Variants in NFATC2 observed in about 807,000 individuals in gnomAD.
The protein encoded by NFATC2 is nuclear factor of activated T cells 2, also known as nuclear factor of activated T-cells, cytoplasmic 2.
Under a neutral mutation model 87.3 loss-of-function variants are expected in NFATC2, and 22 were observed. That is an observed-to-expected ratio of 0.25 (90% CI 0.18 to 0.36). NFATC2 has a LOEUF of 0.36. NFATC2 is among the 10% of genes least tolerant of loss of function. The pLI is 1.00. For missense variants in NFATC2, 1,149 were observed against 1,259.1 expected, an observed-to-expected ratio of 0.91 and a Z score of 1.32; for synonymous variants, 565 against 542.2, an observed-to-expected ratio of 1.04 and a Z score of -0.58.
chr20:51,442,713 T>G (rs1429838060), intron 6 of NFATC2, among the ~76,000 whole-genome samples: 5 of 151,688 alleles, frequency 3.3e-5, no homozygotes, highest in East Asian at 1.9e-4. Context: ...GTTTGTTTTT[T>G]TTTTTTTTCT....
chr20:51,521,422 G>T (rs1465628350), intron 2 of NFATC2, among the ~76,000 whole-genome samples: 3 of 152,170 alleles, frequency 2.0e-5, no homozygotes, highest in African/African-American at 7.2e-5. Flanking sequence ...CCAGGTTCAA[G>T]TAATTCTCCT....
chr20:51,466,890 G>A (rs1987738425), intron 5 of NFATC2, among the ~76,000 whole-genome samples: 1 of 152,030 alleles, frequency 6.6e-6, no homozygotes, highest in Admixed American at 6.6e-5. Flanking sequence ...TGGTCAACAT[G>A]GTGAAACCCC....
At chr20:51,505,753 G>A (rs754610345) in intron 3 of NFATC2, among the ~76,000 whole-genome samples, 26 of 152,046 alleles carry the variant, frequency 1.7e-4, no homozygotes, top group Non-Finnish European at 3.4e-4. Flanking sequence ...TGTCGTTGTC[G>A]TGGCATCGTT....
At chr20:51,433,690 G>A (rs960576645) in intron 8 of NFATC2, among the ~76,000 whole-genome samples, 1 of 152,080 alleles carries the variant, frequency 6.6e-6, no homozygotes, top group Non-Finnish European at 1.5e-5. Flanking sequence ...ACTGGAGTGA[G>A]TCAGTGACAG....
chr20:51,435,339 C>A, intron 7 of NFATC2, 25 bp from the exon 8 acceptor site: 2 of 1,613,898 alleles, frequency 1.2e-6, no homozygotes, highest in Non-Finnish European at 1.7e-6. Flanking sequence ...TTGTCATGAA[C>A]TTAACTGCAA....
intron 3 of NFATC2, among the ~76,000 whole-genome samples, chr20:51,476,365 C>T (rs1253435217): frequency 6.6e-6 from 1 of 151,302 alleles, no homozygotes; most frequent in African/African-American, 2.4e-5. Flanking sequence ...GACAAAAATG[C>T]CATAGTCTAA....
intron 9 of NFATC2, among the ~76,000 whole-genome samples, chr20:51,410,199 G>A (rs1301111707): frequency 9.6e-6 from 1 of 103,808 alleles, no homozygotes; most frequent in Non-Finnish European, 1.7e-5. Flanking sequence ...GACAGAGCGA[G>A]ACTCTGTCTC....
At position 51,524,791 on chromosome 20, in the gene NFATC2, T is replaced by C. The variant is rs1411770825; in HGVS notation, c.131-681A>G. On this transcript the variant is annotated intron_variant, in intron 1 of 10. Transcript: ENST00000371564. The surrounding 1 kb of genome is among the most constrained non-coding windows in gnomAD (Gnocchi z 4.0). ...TGTGTCATTTTACAAATGAGGAAAC[T>C]GAGGCCCAGAGCGGGGAAAAGGCCC... Among the ~76,000 whole-genome samples the C allele has an allele frequency of 1.3e-5, 2 of 152,078 alleles. No individual in the cohort carries two copies. The highest frequency in any genetic ancestry group is 4.8e-5 in the African/African-American group (2 of 41,394).
At chr20:51,397,434 C>A (rs146108712) in intron 10 of NFATC2, among the ~76,000 whole-genome samples, 1 of 152,338 alleles carries the variant, frequency 6.6e-6, no homozygotes, top group Non-Finnish European at 1.5e-5. Flanking sequence ...CCCTCCCAGG[C>A]CACGCTGGTC....
At chr20:51,540,785 G>A (rs752597870) in intron 1 of NFATC2, among the ~76,000 whole-genome samples, 2 of 151,090 alleles carry the variant, frequency 1.3e-5, no homozygotes, top group Admixed American at 6.6e-5. Flanking sequence ...GATTTGGCTT[G>A]GAAACTATTT....
intron 5 of NFATC2, among the ~76,000 whole-genome samples, chr20:51,459,839 A>C (rs115405743): frequency 1.3e-5 from 2 of 152,124 alleles, no homozygotes; most frequent in East Asian, 3.8e-4. Flanking sequence ...AGATCACGCT[A>C]CTACACTCCA....
chr20:51,426,025 G>A (rs1283957102), intron 9 of NFATC2, among the ~76,000 whole-genome samples: 2 of 152,184 alleles, frequency 1.3e-5, no homozygotes, highest in Non-Finnish European at 2.9e-5. Flanking sequence ...GGAGCCTTGG[G>A]CAGTGCTCTG....
chr20:51,486,190 G>A (rs1989695939), intron 3 of NFATC2, among the ~76,000 whole-genome samples: 1 of 151,800 alleles, frequency 6.6e-6, no homozygotes, highest in Non-Finnish European at 1.5e-5. Flanking sequence ...CAGCCTGGGT[G>A]ACAGAGCGAG....
At chr20:51,548,311 G>A (rs1275045852) in intron 1 of NFATC2, among the ~76,000 whole-genome samples, 1 of 152,100 alleles carries the variant, frequency 6.6e-6, no homozygotes, top group African/African-American at 2.4e-5. Context: ...AATAAAAATC[G>A]CATCCCCCGG....
chr20:51,475,464 C>G lies in NFATC2; in HGVS notation c.1529G>C (p.Arg510Thr), dbSNP rs1257530847. 1 of 1,613,620 alleles carries G rather than the reference C, an allele frequency of 6.2e-7. No homozygotes were observed. Among genetic ancestry groups the G allele is most frequent in the Admixed American group, 1.7e-5 (1 of 59,980 alleles). The stretch of plus-strand genomic sequence containing the variant: ...CTCAGCTCCCAGCCCTTACGTTGCC[C>G]TCATGTTGTTTTTGGGCTCCAAGGG... Reference protein sequence around the residue: ...EIPLEPKNNMRATIDCAGILK... With the variant: ...EIPLEPKNNMTATIDCAGILK... The change falls in exon 4 of 11, where the codon AGG (arginine) becomes ACG (threonine). Residue 510 changes from arginine (R) to threonine (T), a missense_variant. Arg to Thr is a moderately conservative substitution (Grantham distance 71, BLOSUM62 -1). This residue lies in a region of NFATC2 where 581 missense variants were observed against 649.7 expected (regional missense o/e 0.89). Transcript: ENST00000371564.
At chr20:51,520,906 G>A (rs928411443) in intron 2 of NFATC2, among the ~76,000 whole-genome samples, 11 of 151,978 alleles carry the variant, frequency 7.2e-5, no homozygotes, top group Non-Finnish European at 1.5e-4. Context: ...TGATCCGCCC[G>A]CCTCTGCCTT....
At chr20:51,507,037 G>C (rs943275991) in intron 3 of NFATC2, among the ~76,000 whole-genome samples, 2 of 152,186 alleles carry the variant, frequency 1.3e-5, no homozygotes, top group Non-Finnish European at 2.9e-5. Context: ...ATCCAGCCCC[G>C]GCTGGAGCGC....
At chr20:51,418,081 C>T (rs528083893) in intron 9 of NFATC2, among the ~76,000 whole-genome samples, 1 of 152,308 alleles carries the variant, frequency 6.6e-6, no homozygotes, top group South Asian at 2.1e-4. Flanking sequence ...CCTGGGGCCC[C>T]TGTCCTGGGT....
At position 51,494,648 on chromosome 20, in the gene NFATC2, C is replaced by T. The variant is rs117789549; in HGVS notation, c.1333-18988G>A. 1.5e-3 allele frequency among the ~76,000 whole-genome samples: 224 copies of T among 152,272 alleles called. 5 individuals are homozygous for T. The East Asian group carries it at 0.04, about 27-fold the overall frequency. ...CACTTGGCTTCCATAAACAAGGCCG[C>T]GGCTCAGTCATCTCACAGCATGGGA... On this transcript the variant is annotated intron_variant, in intron 3 of 10. Coordinates refer to ENST00000371564, the MANE Select transcript of NFATC2 (RefSeq NM_012340.5).
Sources: gnomAD v4.1 joint callset for allele counts (sites outside exome capture counted in the v4.1 genomes callset) on GRCh38, gnomAD v4.1.1 for gene constraint, gnomAD v4.1.1 regional missense constraint, Gnocchi (gnomAD v3.1) non-coding constraint, MANE v1.5 for transcripts, NCBI Gene and HGNC (gene_info 2026-07-23, HGNC 2026-07-21) for gene names.